CCDC40: variants seen among roughly 807,000 people sequenced by gnomAD.
CCDC40 encodes the protein coiled-coil domain 40 molecular ruler complex subunit.
CCDC40 carries 104 observed loss-of-function variants against 124.5 expected under a neutral mutation model. That is an observed-to-expected ratio of 0.84 (90% CI 0.71 to 0.98). The LOEUF is 0.98. CCDC40 is among the 50% of genes least tolerant of loss of function. CCDC40 has a pLI of 0.00. For missense variants in CCDC40, 1,463 were observed against 1,503.9 expected, an observed-to-expected ratio of 0.97 and a Z score of 0.45; for synonymous variants, 580 against 602.9, an observed-to-expected ratio of 0.96 and a Z score of 0.56.
chr17:80,061,103 T>C (rs1441405582), intron 9 of CCDC40, among the ~76,000 whole-genome samples: 3 of 152,182 alleles, frequency 2.0e-5, no homozygotes, highest in Non-Finnish European at 4.4e-5. Context: ...CCCAGCACTT[T>C]GGGAGGCCGA....
At chr17:80,079,593 T>A (rs2038398882) in intron 10 of CCDC40, among the ~76,000 whole-genome samples, 1 of 152,098 alleles carries the variant, frequency 6.6e-6, no homozygotes, top group South Asian at 2.1e-4. Flanking sequence ...TCTGATCTCA[T>A]CAGTGGATCA....
In CCDC40 at chr17:80,086,470, T is replaced by C. The variant is rs2038591378; in HGVS notation, c.2449+254T>C. On this transcript the variant is annotated intron_variant, in intron 14 of 19. Transcript: ENST00000397545. The surrounding 1 kb of genome is among the most constrained non-coding windows in gnomAD (Gnocchi z 5.5). ...TCCAAGCTCACGGACTTCAGAGCTC[T>C]CCTTGAGAGAGGAGCATGGAAGGTT... 2 of 476,070 alleles carry C rather than the reference T, an allele frequency of 4.2e-6. No individual in the cohort carries two copies. Among genetic ancestry groups the C allele is most frequent in the South Asian group, 2.1e-5 (1 of 48,720 alleles). 29.5% of individuals were successfully genotyped at this position (476,070 alleles called of 1,614,324 possible). A position where few individuals can be genotyped will look rare whatever the true frequency, so the allele number is the denominator to read the frequency against.
chr17:80,064,257 G>A (rs969926835), intron 9 of CCDC40, among the ~76,000 whole-genome samples: 1 of 152,166 alleles, frequency 6.6e-6, no homozygotes, highest in Admixed American at 6.5e-5. Context: ...ATGTTCTAGC[G>A]CACTGTGGTT....
intron 10 of CCDC40, chr17:80,081,316 C>T (rs2038441235): frequency 2.6e-5 from 7 of 267,650 alleles, no homozygotes; most frequent in South Asian, 5.1e-5. Flanking sequence ...ACCCGGCAGG[C>T]GGAGGTTGCA....
chr17:80,085,064 C>A, intron 13 of CCDC40, 76 bp downstream of exon 13: 5 of 1,555,124 alleles, frequency 3.2e-6, no homozygotes, highest in Non-Finnish European at 4.4e-6. Context: ...TCAGATCCCC[C>A]ACGGTCAGAC....
chr17:80,056,384 C>G (rs1285527148), intron 7 of CCDC40, among the ~76,000 whole-genome samples: 4 of 152,012 alleles, frequency 2.6e-5, no homozygotes, highest in African/African-American at 9.7e-5. Flanking sequence ...CTTTGGGAGG[C>G]TGAGGCTGGC....
chr17:80,093,376 T>C (rs2038753335), intron 17 of CCDC40, among the ~76,000 whole-genome samples: 1 of 151,906 alleles, frequency 6.6e-6, no homozygotes, highest in African/African-American at 2.4e-5. Context: ...AGAGATGGGG[T>C]TTCACCATGT....
chr17:80,063,501 G>C (rs1322200341), intron 9 of CCDC40, among the ~76,000 whole-genome samples: 1 of 152,108 alleles, frequency 6.6e-6, no homozygotes, highest in Non-Finnish European at 1.5e-5. Context: ...GGGAGGCCTC[G>C]CACAGGCTCA....
At chr17:80,099,325 A>T (rs2038870485) in intron 19 of CCDC40, among the ~76,000 whole-genome samples, 1 of 151,136 alleles carries the variant, frequency 6.6e-6, no homozygotes. Context: ...GATGGTGATG[A>T]TGGGTGACCC....
rs1384023319 is a variant in CCDC40 at position 80,042,571 on chromosome 17, AG to A, written c.552+2303del. ...AGACTAGCTTGTTTGTAGAATCGGT[AG>A]GCTTTTTCACAAAGATAATCATCTC... is the stretch of plus-strand genomic sequence containing the variant. On this transcript the variant is annotated intron_variant, in intron 3 of 19. Transcript: ENST00000397545. 2.0e-5 allele frequency among the ~76,000 whole-genome samples: 3 copies of A among 152,322 alleles called. No individual in the cohort carries two copies. In the East Asian group the frequency reaches 5.8e-4, roughly 29 times the overall value.
At chr17:80,081,182 A>AGAC (rs1470387148) in intron 10 of CCDC40, among the ~76,000 whole-genome samples, 1 of 152,150 alleles carries the variant, frequency 6.6e-6, no homozygotes, top group Non-Finnish European at 1.5e-5. Context: ...CAGGAGTTGG[A>AGAC]GACCAGCCTG....
rs1030142352 is a variant in CCDC40, at chr17:80,099,895, G to A, written c.*120G>A. On this transcript the variant is annotated 3_prime_UTR_variant, in exon 20 of 20. Coordinates refer to ENST00000397545, the MANE Select transcript of CCDC40 (RefSeq NM_017950.4). Reference sequence around the variant, plus strand: ...CCACATGTACCCTCAGAAGGGCATCGTTTAAGAGAAATAAGCCAGCCCCAC... The same window carrying A: ...CCACATGTACCCTCAGAAGGGCATCATTTAAGAGAAATAAGCCAGCCCCAC... 25 of 1,138,706 alleles carry A rather than the reference G, an allele frequency of 2.2e-5. No homozygotes were observed. The highest frequency in any genetic ancestry group is 2.7e-5 in the South Asian group (2 of 73,534). The allele number at this position is 1,138,706 out of a possible 1,614,324, so 70.5% of individuals were successfully genotyped here. A position where few individuals can be genotyped will look rare whatever the true frequency, so the allele number is the denominator to read the frequency against.
chr17:80,088,341 T>C, intron 16 of CCDC40: 1 of 544,620 alleles, frequency 1.8e-6, no homozygotes, highest in Non-Finnish European at 3.3e-6. Flanking sequence ...AACCTCTGCC[T>C]CCCAGCTTCA....
At chr17:80,082,133 G>C in intron 12 of CCDC40, 75 bp downstream of exon 12, 1 of 1,277,090 alleles carries the variant, frequency 7.8e-7, no homozygotes, top group Non-Finnish European at 1.1e-6. Context: ...CCGTCCTGGA[G>C]GCGGAGAGGG....
chr17:80,095,694 G>A (rs1469072054), intron 18 of CCDC40, among the ~76,000 whole-genome samples: 1 of 152,200 alleles, frequency 6.6e-6, no homozygotes, highest in Non-Finnish European at 1.5e-5. Context: ...GGCTGTTAGA[G>A]GGGCGTGCTC....
In CCDC40 at chr17:80,058,469, CT is replaced by C. The variant is rs1355062683; in HGVS notation, c.1160-22del. On this transcript the variant is annotated intron_variant, in intron 7 of 19. Transcript: ENST00000397545. The surrounding 1 kb of genome is among the most constrained non-coding windows in gnomAD (Gnocchi z 4.2). ...CAGCCTCCCCACTCACTCTCTCTCT[CT>C]TTCTCCCCCGCCGCGCCCCGCAGTG... 1 of 1,611,586 alleles carries C rather than the reference CT, an allele frequency of 6.2e-7. No individual in the cohort carries two copies. The highest frequency in any genetic ancestry group is 1.7e-5 in the Admixed American group (1 of 60,020).
At chr17:80,074,624 A>G (rs2038269726) in intron 10 of CCDC40, among the ~76,000 whole-genome samples, 1 of 152,174 alleles carries the variant, frequency 6.6e-6, no homozygotes, top group Non-Finnish European at 1.5e-5. Context: ...TAAAACCGAA[A>G]AAAGGAAAGA....
intron 5 of CCDC40, among the ~76,000 whole-genome samples, chr17:80,049,568 A>G (rs900080833): frequency 3.3e-5 from 5 of 152,150 alleles, no homozygotes; most frequent in African/African-American, 1.2e-4. Context: ...TTTACCCATC[A>G]GGACAGCTGC....
At chr17:80,055,966 GGCCTGGCTAATTTTC>G (rs2037723984) in intron 7 of CCDC40, among the ~76,000 whole-genome samples, 1 of 113,326 alleles carries the variant, frequency 8.8e-6, no homozygotes, top group East Asian at 2.7e-4. Context: ...CACACCACCA[GGCCTGGCTAATTTTC>G]ATATATATAT....
Sources: allele counts gnomAD v4.1 joint callset (sites outside exome capture counted in the v4.1 genomes callset), GRCh38; gene constraint gnomAD v4.1.1; non-coding constraint Gnocchi (gnomAD v3.1); transcripts MANE v1.5; gene names NCBI Gene and HGNC (gene_info 2026-07-23, HGNC 2026-07-21).